KDM3A: variants seen among roughly 807,000 people sequenced by gnomAD.
The protein encoded by KDM3A is lysine-specific demethylase 3A.
Under a neutral mutation model 158.0 loss-of-function variants are expected in KDM3A, and 60 were observed. That is an observed-to-expected ratio of 0.38 (90% CI 0.31 to 0.47). The LOEUF (loss-of-function observed/expected upper bound fraction) is 0.47, where lower values mean the gene tolerates loss of function less well. KDM3A is among the 20% of genes least tolerant of loss of function. The probability of loss-of-function intolerance (pLI) is 0.99; values close to 1 mark genes in which losing one functional copy is unlikely to be tolerated. For missense variants in KDM3A, 1,319 were observed against 1,574.3 expected, an observed-to-expected ratio of 0.84 and a Z score of 2.74; for synonymous variants, 608 against 549.3, an observed-to-expected ratio of 1.11 and a Z score of -1.49.
At chr2:86,453,673 A>T (rs1396997499) in intron 4 of KDM3A, among the ~76,000 whole-genome samples, 1 of 152,208 alleles carries the variant, frequency 6.6e-6, no homozygotes, top group Non-Finnish European at 1.5e-5. Flanking sequence ...TTGCATAAAC[A>T]ATACATGCAT....
At chr2:86,463,926 TTTC>T in intron 8 of KDM3A, 124 bp from the exon 9 acceptor site, 1 of 607,024 alleles carries the variant, frequency 1.6e-6, no homozygotes, top group South Asian at 3.9e-5. Context: ...CACTTTCCTG[TTTC>T]TTTTTATTTG....
At position 86,442,027 on chromosome 2, in the gene KDM3A, C is replaced by G. The variant is rs778952114; in HGVS notation, c.-21C>G. On this transcript the variant is annotated 5_prime_UTR_variant, in exon 2 of 26. Transcript: ENST00000312912. Reference sequence around the variant, plus strand: ...TTTTGTGTTTTTGCAGGGAGGAGCTCTTCCTGCAGGCGTGGAAACCATGGT... The same window carrying G: ...TTTTGTGTTTTTGCAGGGAGGAGCTGTTCCTGCAGGCGTGGAAACCATGGT... 5 of 1,610,862 alleles carry G rather than the reference C, an allele frequency of 3.1e-6. No homozygotes were observed. The highest frequency in any genetic ancestry group is 1.3e-5 in the African/African-American group (1 of 74,918).
chr2:86,464,238 A>C (rs757175695), intron 9 of KDM3A, 22 bp downstream of exon 9: 1 of 1,456,122 alleles, frequency 6.9e-7, no homozygotes, highest in Non-Finnish European at 9.2e-7. Flanking sequence ...TTTGTTAAAG[A>C]TGTTTAATTA....
intron 16 of KDM3A, among the ~76,000 whole-genome samples, chr2:86,480,984 C>T (rs1673896631): frequency 6.6e-6 from 1 of 152,154 alleles, no homozygotes; most frequent in Admixed American, 6.5e-5. Context: ...GAAACCAGCT[C>T]ATTTGAGCCG....
chr2:86,477,851 A>G (rs1673731547), intron 12 of KDM3A, 26 bp from the exon 13 acceptor site: 1 of 1,575,988 alleles, frequency 6.3e-7, no homozygotes, highest in South Asian at 1.2e-5. Flanking sequence ...CCTTCCAAAG[A>G]CTAAGTGATT....
intron 8 of KDM3A, among the ~76,000 whole-genome samples, chr2:86,463,373 T>C (rs1253600463): frequency 2.0e-5 from 3 of 151,984 alleles, no homozygotes; most frequent in South Asian, 4.2e-4. Context: ...GGAAGTTTAT[T>C]TTTGTGAATG....
intron 21 of KDM3A, chr2:86,487,734 T>C (rs1193923607): frequency 6.6e-6 from 1 of 152,290 alleles, no homozygotes; most frequent in African/African-American, 2.4e-5. Flanking sequence ...TCAGGATGTT[T>C]TGTTGTCTAG....
chr2:86,492,303 T>C lies in KDM3A; in HGVS notation c.*184T>C, dbSNP rs550111897. On this transcript the variant is annotated 3_prime_UTR_variant, in exon 26 of 26. Transcript: ENST00000312912. ...AGTAAATGTGTATATGTAGTAACTATTTACAGAACATGCATCCTTAAACTG... is the reference window on the plus strand; with the variant it reads ...AGTAAATGTGTATATGTAGTAACTACTTACAGAACATGCATCCTTAAACTG... The C allele has an allele frequency of 5.9e-5, 31 of 522,690 alleles. 1 individual carries two copies. The Admixed American group carries it at 8.7e-4, about 15-fold the overall frequency. 32.4% of individuals were successfully genotyped at this position (522,690 alleles called of 1,614,324 possible).
At chr2:86,471,303 ATG>A (rs1370432218) in intron 11 of KDM3A, among the ~76,000 whole-genome samples, 4 of 151,122 alleles carry the variant, frequency 2.6e-5, no homozygotes, top group African/African-American at 4.9e-5. Context: ...ATATGTGTGT[ATG>A]TGTATATATG....
intron 11 of KDM3A, among the ~76,000 whole-genome samples, chr2:86,471,101 C>G (rs1673378296): frequency 6.6e-6 from 1 of 152,028 alleles, no homozygotes; most frequent in African/African-American, 2.4e-5. Flanking sequence ...GCACCTGTGT[C>G]CTTGACAACT....
chr2:86,456,653 C>A, intron 6 of KDM3A, 87 bp downstream of exon 6: 1 of 1,348,592 alleles, frequency 7.4e-7, no homozygotes, highest in Non-Finnish European at 1.0e-6. Flanking sequence ...GCACTAAATA[C>A]CTTTATTATT....
chr2:86,453,449 T>C (rs1672554177), intron 4 of KDM3A, among the ~76,000 whole-genome samples: 1 of 152,176 alleles, frequency 6.6e-6, no homozygotes, highest in Non-Finnish European at 1.5e-5. Flanking sequence ...GATTGAAAGT[T>C]AGGGTCCGTC....
chr2:86,453,996 C>G (rs1393724407), intron 4 of KDM3A, among the ~76,000 whole-genome samples: 1 of 152,170 alleles, frequency 6.6e-6, no homozygotes, highest in African/African-American at 2.4e-5. Flanking sequence ...TTTATCATAA[C>G]TGGGTGTGCA....
At chr2:86,459,125 A>G (rs542613573) in intron 8 of KDM3A, among the ~76,000 whole-genome samples, 1 of 152,262 alleles carries the variant, frequency 6.6e-6, no homozygotes, top group South Asian at 2.1e-4. Context: ...CCCAAGTGAC[A>G]TGGTCAGGCA....
At chr2:86,488,528 C>A (rs1674296926) in intron 21 of KDM3A, 1 of 152,232 alleles carries the variant, frequency 6.6e-6, no homozygotes, top group African/African-American at 2.4e-5. Flanking sequence ...AGAAATGTGC[C>A]CTCTCAAAAG....
At position 86,482,490 on chromosome 2, in the gene KDM3A, C is replaced by A; in HGVS notation, c.2718C>A (p.Ile906=). The part of the protein sequence containing the change: ...TENGLKNTPK[I]LDDIFASLVQ... Reference sequence around the variant, plus strand: ...ATGGACTCAAGAATACACCAAAAATCCTTGATGACATCTTTGCCTCTTTGG... The same window carrying A: ...ATGGACTCAAGAATACACCAAAAATACTTGATGACATCTTTGCCTCTTTGG... Residue 906 remains isoleucine, a synonymous_variant, in exon 18 of 26, where the codon ATC becomes ATA. Transcript: ENST00000312912. The A allele has an allele frequency of 6.2e-7, 1 of 1,614,088 alleles. No homozygotes were observed. The highest frequency in any genetic ancestry group is 1.1e-5 in the South Asian group (1 of 91,078).
rs1491517791 is a variant in KDM3A, at chr2:86,474,700, GTT to G, written c.1725-75_1725-74del. ...AAAAGTAATTACAAGTTGTAAATAA[GTT>G]GTGTGTGTGTGTGTGTGTGTGTGTG... On this transcript the variant is annotated intron_variant, in intron 11 of 25. Transcript: ENST00000312912. 24 of 430,562 alleles carry G rather than the reference GTT, an allele frequency of 5.6e-5. No individual in the cohort carries two copies. The East Asian group carries it at 8.7e-4, about 16-fold the overall frequency. 26.7% of individuals were successfully genotyped at this position (430,562 alleles called of 1,614,324 possible).
At chr2:86,480,010 G>C in intron 15 of KDM3A, 157 bp from the exon 16 acceptor site, 1 of 624,308 alleles carries the variant, frequency 1.6e-6, no homozygotes, top group Non-Finnish European at 2.8e-6. Flanking sequence ...TACTAGTGCG[G>C]GATTACTGCA....
rs1674154393 is a variant in KDM3A, at chr2:86,485,917, AATTG to A, written c.3313+62_3313+65del. 5 of 1,575,000 alleles carry A rather than the reference AATTG, an allele frequency of 3.2e-6. No individual in the cohort carries two copies. In the East Asian group the frequency reaches 1.1e-4, roughly 36 times the overall value. On this transcript the variant is annotated intron_variant, in intron 21 of 25. Transcript: ENST00000312912. ...ATAAAACAATTCAAAATGTTTGGAA[AATTG>A]ATTTTGTGGGAGGGAGAGGTGGAAA...
Sources: allele counts gnomAD v4.1 joint callset (sites outside exome capture counted in the v4.1 genomes callset), GRCh38; gene constraint gnomAD v4.1.1; transcripts MANE v1.5; gene names NCBI Gene and HGNC (gene_info 2026-07-23, HGNC 2026-07-21).